Variants in CYYR1 observed in about 807,000 individuals in gnomAD.
CYYR1 encodes cysteine and tyrosine-rich protein 1.
In CYYR1, 14 loss-of-function variants were observed where a neutral mutation model predicts 15.2. The observed-to-expected ratio is 0.92, with a 90% CI of 0.61 to 1.44. The LOEUF is 1.44. CYYR1 is among the 40% of genes most tolerant of loss of function. The pLI, the probability that CYYR1 is intolerant of heterozygous loss-of-function variation, is 0.00. For synonymous variants in CYYR1, 80 were observed against 77.4 expected (o/e 1.03, Z -0.18); for missense variants, 228 against 209.5 (o/e 1.09, Z -0.54).
chr21:26,504,051 G>A (rs2065518780), intron 2 of CYYR1, among the ~76,000 whole-genome samples: 1 of 152,082 alleles, frequency 6.6e-6, no homozygotes, highest in African/African-American at 2.4e-5. Context: ...TGGATGAGAG[G>A]AGACATGATG....
chr21:26,528,356 G>C (rs1009956923), intron 2 of CYYR1, among the ~76,000 whole-genome samples: 8 of 152,100 alleles, frequency 5.3e-5, no homozygotes, highest in Non-Finnish European at 1.2e-4. Flanking sequence ...TTAGGTCATG[G>C]AGCAGGTCCC....
chr21:26,558,274 C>A (rs1979942047), intron 2 of CYYR1, among the ~76,000 whole-genome samples: 1 of 152,094 alleles, frequency 6.6e-6, no homozygotes, highest in Admixed American at 6.6e-5. Flanking sequence ...ATATAAGAAT[C>A]ATAGATAATA....
At chr21:26,498,563 G>C (rs2065437893) in intron 2 of CYYR1, among the ~76,000 whole-genome samples, 1 of 152,178 alleles carries the variant, frequency 6.6e-6, no homozygotes, top group South Asian at 2.1e-4. Flanking sequence ...AGTCTAGCTT[G>C]TGAAGGGCCT....
chr21:26,562,184 T>C (rs993410003), intron 2 of CYYR1, among the ~76,000 whole-genome samples: 1 of 152,198 alleles, frequency 6.6e-6, no homozygotes, highest in Non-Finnish European at 1.5e-5. Context: ...TATCTTCGGG[T>C]AGTTGCCCTC....
rs35253087 is a variant in CYYR1, at chr21:26,480,322, C to A, written c.284G>T (p.Arg95Leu). ...GTGAGTCGTCCTGAGGATGCCCACGCGGGTCGCCCTGTGGTTCTTCATGCA... is the reference window on the plus strand; with the variant it reads ...GTGAGTCGTCCTGAGGATGCCCACGAGGGTCGCCCTGTGGTTCTTCATGCA... Reference protein sequence around the residue: ...CMCMKNHRATRVGILRTTHIN... With the variant: ...CMCMKNHRATLVGILRTTHIN... The change falls in exon 3 of 4, where the codon CGC becomes CTC. Residue 95 changes from arginine (R) to leucine (L), a missense_variant. Coordinates refer to ENST00000652641, the MANE Select transcript of CYYR1 (RefSeq NM_001320768.2). 1 of 1,613,420 alleles carries A rather than the reference C, an allele frequency of 6.2e-7. No individual in the cohort carries two copies. Among genetic ancestry groups the A allele is most frequent in the African/African-American group, 1.3e-5 (1 of 74,936 alleles).
intron 1 of CYYR1, chr21:26,568,942 G>C (rs1443004523): frequency 1.3e-5 from 2 of 152,296 alleles, no homozygotes; most frequent in African/African-American, 2.4e-5. Context: ...ACAGATGCTG[G>C]TGAGCCTGTG....
intron 2 of CYYR1, chr21:26,551,581 G>A (rs13053105): frequency 0.13 from 20,596 of 155,066 alleles, 1,464 homozygotes; most frequent in South Asian, 0.17. Flanking sequence ...CAAGACTTTG[G>A]TAGAGGAAGT....
chr21:26,560,354 A>G (rs952145300), intron 2 of CYYR1, among the ~76,000 whole-genome samples: 14 of 152,264 alleles, frequency 9.2e-5, no homozygotes, highest in Non-Finnish European at 1.6e-4. Context: ...AATACTGACA[A>G]TCATCTCATT....
chr21:26,512,344 G>A (rs553823105), intron 2 of CYYR1, among the ~76,000 whole-genome samples: 2 of 152,092 alleles, frequency 1.3e-5, no homozygotes, highest in East Asian at 3.9e-4. Flanking sequence ...GATTACAGGC[G>A]CATGCCACCA....
chr21:26,569,434 C>G (rs1481286042), intron 1 of CYYR1, among the ~76,000 whole-genome samples: 1 of 152,050 alleles, frequency 6.6e-6, no homozygotes, highest in Admixed American at 6.6e-5. Flanking sequence ...CTGGGGACTT[C>G]TAGAGCAGGG....
chr21:26,524,563 G>T (rs2065840775), intron 2 of CYYR1, among the ~76,000 whole-genome samples: 1 of 152,216 alleles, frequency 6.6e-6, no homozygotes. Context: ...GCTTTAGGCA[G>T]TTTTGTTGGA....
chr21:26,476,585 CATCTATCT>C lies in CYYR1; in HGVS notation c.334+3679_334+3686del, dbSNP rs11450529. 9.4e-3 allele frequency among the ~76,000 whole-genome samples: 1,359 copies of C among 143,832 alleles called. 4 individuals are homozygous for C. Among genetic ancestry groups the C allele is most frequent in the African/African-American group, 0.015 (540 of 36,354 alleles). The allele number at this position is 143,832 out of a possible 152,430, so 94.4% of individuals were successfully genotyped here. On this transcript the variant is annotated intron_variant, in intron 3 of 3. Transcript: ENST00000652641. ...CCAATTGTTTGTCTACCCTATCTATCATCTATCTATCTATCTATCTATCTATCTATCTA... is the reference window on the plus strand; with the variant it reads ...CCAATTGTTTGTCTACCCTATCTATCATCTATCTATCTATCTATCTATCTA...
At position 26,467,747 on chromosome 21, in the gene CYYR1, T is replaced by A. The variant is rs1019121038; in HGVS notation, c.*754A>T. ...TCAAGCGGCTGTTGAGTCTTTTTGG[T>A]CTTGTTTTAACTCCCTAATTAAATA... On this transcript the variant is annotated 3_prime_UTR_variant, in exon 4 of 4. Transcript: ENST00000652641. 3 of 152,210 alleles carry A rather than the reference T, an allele frequency of 2.0e-5. No individual in the cohort carries two copies. The highest frequency in any genetic ancestry group is 7.2e-5 in the African/African-American group (3 of 41,448). 9.4% of individuals were successfully genotyped at this position (152,210 alleles called of 1,614,324 possible).
intron 1 of CYYR1, 43 bp from the exon 2 acceptor site, chr21:26,566,411 TCA>T (rs766629156): frequency 4.1e-6 from 6 of 1,467,996 alleles, no homozygotes; most frequent in African/African-American, 1.4e-5. Flanking sequence ...AGTTGTAAAA[TCA>T]CAGTTTCAAG....
chr21:26,550,047 A>G (rs1979271693), intron 2 of CYYR1, among the ~76,000 whole-genome samples: 1 of 152,138 alleles, frequency 6.6e-6, no homozygotes, highest in Admixed American at 6.6e-5. Context: ...AATTTTTCCA[A>G]CAGCATATGC....
At chr21:26,483,671 C>T (rs1369171) in intron 2 of CYYR1, among the ~76,000 whole-genome samples, 2 of 151,996 alleles carry the variant, frequency 1.3e-5, no homozygotes, top group Non-Finnish European at 2.9e-5. Context: ...TCATCTCAGA[C>T]ACCCAGTCTC....
chr21:26,564,802 C>T, intron 2 of CYYR1: 2 of 1,248,384 alleles, frequency 1.6e-6, no homozygotes, highest in Non-Finnish European at 2.1e-6. Context: ...GTTATACTCG[C>T]ACCTCTACCT....
In CYYR1 at chr21:26,517,144, A is replaced by AAAAAG. The variant is rs1491223332; in HGVS notation, c.177-36716_177-36715insCTTTT. Among the ~76,000 whole-genome samples, 492 of 111,354 alleles carry AAAAAG rather than the reference A, an allele frequency of 4.4e-3. 35 individuals are homozygous for AAAAAG. The highest frequency in any genetic ancestry group is 6.4e-3 in the African/African-American group (177 of 27,662). 73.1% of individuals were successfully genotyped at this position (111,354 alleles called of 152,430 possible). On this transcript the variant is annotated intron_variant, in intron 2 of 3. Coordinates refer to ENST00000652641, the MANE Select transcript of CYYR1 (RefSeq NM_001320768.2). ...AAAAAAAAAAAAAAAAAAAAAAAAA[A>AAAAAG]GAATTCACTGGGATAATCTATCAAA...
intron 2 of CYYR1, among the ~76,000 whole-genome samples, chr21:26,521,483 C>A (rs1027989863): frequency 2.6e-5 from 4 of 152,182 alleles, no homozygotes; most frequent in African/African-American, 4.8e-5. Flanking sequence ...ACATCAAATT[C>A]AATAACAAAT....
Sources: gnomAD v4.1 joint callset for allele counts (sites outside exome capture counted in the v4.1 genomes callset) on GRCh38, gnomAD v4.1.1 for gene constraint, MANE v1.5 for transcripts, NCBI Gene and HGNC (gene_info 2026-07-23, HGNC 2026-07-21) for gene names.